Variants in CDH18 observed in about 807,000 individuals in gnomAD.
CDH18 encodes the protein cadherin-18.
A neutral mutation model predicts 67.9 loss-of-function variants in CDH18; 31 were observed. That is an observed-to-expected ratio of 0.46 (90% CI 0.34 to 0.62). The LOEUF (loss-of-function observed/expected upper bound fraction) is 0.62, where lower values mean the gene tolerates loss of function less well. CDH18 is among the 20% of genes least tolerant of loss of function. The pLI is 0.01. For synonymous variants in CDH18, 362 were observed against 347.2 expected (o/e 1.04, Z -0.48); for missense variants, 890 against 975.5 (o/e 0.91, Z 1.17).
At chr5:19,746,401 T>C (rs1770001833) in intron 4 of CDH18, among the ~76,000 whole-genome samples, 1 of 152,316 alleles carries the variant, frequency 6.6e-6, no homozygotes, top group South Asian at 2.1e-4. Context: ...TTCAAAATAC[T>C]TCACGGGGCT....
At chr5:19,983,697 C>T (rs1799285295) in intron 1 of CDH18, among the ~76,000 whole-genome samples, 1 of 151,920 alleles carries the variant, frequency 6.6e-6, no homozygotes, top group Admixed American at 6.6e-5. Context: ...GCAAATGCTC[C>T]TCTTACACCT....
intron 1 of CDH18, among the ~76,000 whole-genome samples, chr5:20,509,407 C>CT (rs565488310): frequency 0.012 from 1,674 of 139,288 alleles, 18 homozygotes; most frequent in African/African-American, 0.022. Flanking sequence ...CAGGATTTCC[C>CT]TTTTTTTTTT....
intron 8 of CDH18, among the ~76,000 whole-genome samples, chr5:19,563,329 C>A (rs1462672900): frequency 1.3e-5 from 2 of 152,220 alleles, no homozygotes; most frequent in Middle Eastern, 6.8e-3. Flanking sequence ...TTAGTTTCTT[C>A]ATCTATAGAA....
intron 5 of CDH18, among the ~76,000 whole-genome samples, chr5:19,714,734 AT>A (rs56349120): frequency 0.32 from 48,416 of 151,766 alleles, 7,915 homozygotes; most frequent in African/African-American, 0.4. Context: ...AGGTCCTCAA[AT>A]TATGTCATTT....
At chr5:20,235,955 G>A (rs1343117537) in intron 2 of CDH18, among the ~76,000 whole-genome samples, 1 of 152,132 alleles carries the variant, frequency 6.6e-6, no homozygotes, top group African/African-American at 2.4e-5. Context: ...ACAGCAACAT[G>A]GATGCAGCTG....
chr5:19,677,570 G>A (rs1485929190), intron 5 of CDH18, among the ~76,000 whole-genome samples: 2 of 151,894 alleles, frequency 1.3e-5, no homozygotes, highest in African/African-American at 2.4e-5. Context: ...CAATATTAAC[G>A]TTGAAGATAA....
At chr5:19,898,563 C>T (rs1001454359) in intron 2 of CDH18, among the ~76,000 whole-genome samples, 2 of 151,444 alleles carry the variant, frequency 1.3e-5, no homozygotes, top group Non-Finnish European at 2.9e-5. Flanking sequence ...AGGGTATGTC[C>T]ATGTAAAGGA....
chr5:19,719,507 C>A lies in CDH18; in HGVS notation c.643+1840G>T, dbSNP rs926488024. Among the ~76,000 whole-genome samples the A allele has an allele frequency of 2.6e-5, 4 of 151,852 alleles. No homozygotes were observed. The East Asian group carries it at 7.7e-4, about 29-fold the overall frequency. On this transcript the variant is annotated intron_variant, in intron 5 of 12. Transcript: ENST00000382275. ...GTGAAATATCACCATTAAAGAATGGCGAGCTTTTCAACTAATTCTAAGCTC... is the reference window on the plus strand; with the variant it reads ...GTGAAATATCACCATTAAAGAATGGAGAGCTTTTCAACTAATTCTAAGCTC...
At chr5:19,721,939 A>G (rs536201687) in intron 4 of CDH18, among the ~76,000 whole-genome samples, 2 of 152,230 alleles carry the variant, frequency 1.3e-5, no homozygotes, top group African/African-American at 4.8e-5. Flanking sequence ...ATTATCAATG[A>G]CATCACAACA....
At chr5:20,368,133 T>C (rs542652502) in intron 1 of CDH18, among the ~76,000 whole-genome samples, 159 of 152,354 alleles carry the variant, frequency 1.0e-3, no homozygotes, top group South Asian at 4.1e-3. Context: ...TAGCAAATAT[T>C]GAAAGCTTCT....
At chr5:20,083,581 C>T (rs1373985268) in intron 2 of CDH18, among the ~76,000 whole-genome samples, 2 of 152,134 alleles carry the variant, frequency 1.3e-5, no homozygotes, top group African/African-American at 4.8e-5. Context: ...TCCTCAGGCC[C>T]CCTATTCACT....
chr5:20,110,230 A>G (rs1246176126), intron 2 of CDH18, among the ~76,000 whole-genome samples: 2 of 152,206 alleles, frequency 1.3e-5, no homozygotes, highest in Non-Finnish European at 2.9e-5. Context: ...TAGTGCTTGT[A>G]TATTTTTTCT....
chr5:19,621,355 GT>G, intron 5 of CDH18, among the ~76,000 whole-genome samples: 1 of 151,640 alleles, frequency 6.6e-6, no homozygotes, highest in East Asian at 2.0e-4. Flanking sequence ...CACCTGTCTT[GT>G]TTTTTGATGA....
intron 2 of CDH18, among the ~76,000 whole-genome samples, chr5:20,017,337 T>C (rs1221252466): frequency 6.6e-6 from 1 of 152,114 alleles, no homozygotes; most frequent in African/African-American, 2.4e-5. Context: ...TTTTCACTTC[T>C]AAAAAAGGGT....
chr5:19,692,285 T>G (rs1161694858), intron 5 of CDH18, among the ~76,000 whole-genome samples: 1 of 152,030 alleles, frequency 6.6e-6, no homozygotes, highest in African/African-American at 2.4e-5. Flanking sequence ...ACTACTATAA[T>G]GAAACATAGG....
In CDH18 at chr5:19,831,256, A is replaced by C. The variant is rs74935372; in HGVS notation, c.228+7503T>G. Among the ~76,000 whole-genome samples, 893 of 152,288 alleles carry C rather than the reference A, an allele frequency of 5.9e-3. 8 individuals are homozygous for C. Among genetic ancestry groups the C allele is most frequent in the African/African-American group, 0.02 (828 of 41,578 alleles). On this transcript the variant is annotated intron_variant, in intron 3 of 12. Coordinates refer to ENST00000382275, the MANE Select transcript of CDH18 (RefSeq NM_004934.5). ...TGAAAAGCAATCACAAAACAAAACA[A>C]AAAGTGACAAGTAACATCTAGTCAT...
At chr5:20,057,429 A>G (rs1187942766) in intron 2 of CDH18, among the ~76,000 whole-genome samples, 2 of 152,244 alleles carry the variant, frequency 1.3e-5, no homozygotes, top group East Asian at 1.9e-4. Flanking sequence ...TTATTAATTC[A>G]TATGATAAAT....
intron 2 of CDH18, among the ~76,000 whole-genome samples, chr5:19,932,905 G>A (rs72740885): frequency 1.0e-3 from 153 of 151,646 alleles, no homozygotes; most frequent in East Asian, 3.5e-3. Flanking sequence ...AACTGAAAAT[G>A]ACTGAAAAAG....
At chr5:20,193,645 A>C (rs766065957) in intron 2 of CDH18, among the ~76,000 whole-genome samples, 3 of 152,106 alleles carry the variant, frequency 2.0e-5, no homozygotes, top group Non-Finnish European at 4.4e-5. Context: ...AGACACAACA[A>C]AAAAAGAAAA....
Sources: gnomAD v4.1 joint callset for allele counts (sites outside exome capture counted in the v4.1 genomes callset) on GRCh38, gnomAD v4.1.1 for gene constraint, MANE v1.5 for transcripts, NCBI Gene and HGNC (gene_info 2026-07-23, HGNC 2026-07-21) for gene names.